The following SP100 variants were observed in gnomAD, a reference collection of about 807,000 sequenced individuals.
SP100 encodes the protein nuclear autoantigen Sp-100.
In SP100, 84 loss-of-function variants were observed where a neutral mutation model predicts 130.0. The ratio of observed to expected loss-of-function variants is 0.65; its 90% CI spans 0.54 to 0.77. SP100 has a LOEUF of 0.77. Ranked by LOEUF, SP100 falls within the 30% of genes least tolerant of loss-of-function variation. The pLI, the probability that SP100 is intolerant of heterozygous loss-of-function variation, is 0.00. For synonymous variants in SP100, 331 were observed against 351.7 expected (o/e 0.94, Z 0.66); for missense variants, 978 against 1,052.2 (o/e 0.93, Z 0.97).
chr2:230,503,174 T>A, intron 20 of SP100, 64 bp downstream of exon 20: 1 of 1,217,410 alleles, frequency 8.2e-7, no homozygotes. Context: ...TTCTGTACTG[T>A]GAGTAACAAG....
intron 2 of SP100, among the ~76,000 whole-genome samples, chr2:230,425,801 A>ATTT (rs35350531): frequency 6.8e-6 from 1 of 148,070 alleles, no homozygotes; most frequent in African/African-American, 2.5e-5. Context: ...CTTGCTCTTA[A>ATTT]TTTTTTTTTT....
At chr2:230,456,384 G>A (rs559241648) in intron 8 of SP100, among the ~76,000 whole-genome samples, 8 of 152,180 alleles carry the variant, frequency 5.3e-5, no homozygotes, top group African/African-American at 1.4e-4. Flanking sequence ...AGTATGTTTT[G>A]GTGTAGTCGT....
intron 1 of SP100, 56 bp downstream of exon 1, chr2:230,416,384 A>G (rs777381874): frequency 2.7e-6 from 4 of 1,484,552 alleles, no homozygotes; most frequent in Non-Finnish European, 3.8e-6. Context: ...TGCAGCTTTC[A>G]TGCCTTTAGT....
chr2:230,506,842 A>G (rs1311525351), intron 22 of SP100: 2 of 154,160 alleles, frequency 1.3e-5, no homozygotes, highest in African/African-American at 4.8e-5. Context: ...ACATATATAT[A>G]TGTAGTTCCT....
At chr2:230,527,736 A>C (rs1384547806) in intron 24 of SP100, among the ~76,000 whole-genome samples, 1 of 152,222 alleles carries the variant, frequency 6.6e-6, no homozygotes. Flanking sequence ...AAGATCTACG[A>C]AGCAAATGGA....
chr2:230,477,192 T>G (rs1204607015), intron 17 of SP100, among the ~76,000 whole-genome samples: 1 of 152,128 alleles, frequency 6.6e-6, no homozygotes, highest in African/African-American at 2.4e-5. Flanking sequence ...CATGGTGTTT[T>G]TCTTATTATT....
chr2:230,440,187 A>G (rs115825891), intron 2 of SP100, among the ~76,000 whole-genome samples: 1,677 of 152,220 alleles, frequency 0.011, 25 homozygotes, highest in African/African-American at 0.039. Flanking sequence ...ACCAAAAAAT[A>G]GAAATAATTG....
rs768617156 is a variant in SP100 at position 230,469,082 on chromosome 2, C to G, written c.1331C>G (p.Pro444Arg). The change falls in exon 14 of 29, where the codon CCC becomes CGC. Residue 444 changes from proline (P) to arginine (R), a missense_variant. Transcript: ENST00000340126. Reference sequence around the variant, plus strand: ...AGAAGTACATCTACTTGGAGAATACCCAGCAGGAAGAGACGTAAGAGCAAT... The same window carrying G: ...AGAAGTACATCTACTTGGAGAATACGCAGCAGGAAGAGACGTAAGAGCAAT... The part of the protein sequence containing the change: ...TSRSTSTWRI[P>R]SRKRRFSSSD... 10 of 1,597,838 alleles carry G rather than the reference C, an allele frequency of 6.3e-6. No individual in the cohort carries two copies. The highest frequency in any genetic ancestry group is 1.7e-4 in the Middle Eastern group (1 of 6,002).
chr2:230,458,394 A>T (rs2064397389), intron 8 of SP100, among the ~76,000 whole-genome samples: 1 of 152,192 alleles, frequency 6.6e-6, no homozygotes, highest in Non-Finnish European at 1.5e-5. Flanking sequence ...TTTGAGAAGG[A>T]GGAAGGAGAG....
At position 230,511,609 on chromosome 2, in the gene SP100, C is replaced by A. The variant is rs142804403; in HGVS notation, c.2094+443C>A. Among the ~76,000 whole-genome samples the A allele has an allele frequency of 6.2e-3, 950 of 152,130 alleles. 4 individuals are homozygous for A. Among genetic ancestry groups the A allele is most frequent in the Non-Finnish European group, 0.01 (704 of 68,014 alleles). On this transcript the variant is annotated intron_variant, in intron 24 of 28. Coordinates refer to ENST00000340126, the MANE Select transcript of SP100 (RefSeq NM_001080391.2). ...AGTCAGCCAGAAGGAACAGACCGAGCCGAGCTGGTGAGTTCGAGGTATGGA... is the reference window on the plus strand; with the variant it reads ...AGTCAGCCAGAAGGAACAGACCGAGACGAGCTGGTGAGTTCGAGGTATGGA...
At chr2:230,519,245 G>T (rs1691058165) in intron 24 of SP100, among the ~76,000 whole-genome samples, 1 of 152,104 alleles carries the variant, frequency 6.6e-6, no homozygotes, top group African/African-American at 2.4e-5. Flanking sequence ...AGTTTAATTG[G>T]GTTTACTTCC....
intron 20 of SP100, among the ~76,000 whole-genome samples, chr2:230,503,954 T>G (rs1433596382): frequency 6.6e-6 from 1 of 152,030 alleles, no homozygotes; most frequent in African/African-American, 2.4e-5. Context: ...AAAGTTGAGA[T>G]CCTACCACAT....
chr2:230,501,265 G>T (rs778041646), intron 19 of SP100, among the ~76,000 whole-genome samples: 5 of 151,944 alleles, frequency 3.3e-5, no homozygotes, highest in Non-Finnish European at 7.4e-5. Flanking sequence ...AAAATAAAGG[G>T]GGTTGGGGGG....
chr2:230,524,179 C>CAAAAAAAAA (rs71420292), intron 24 of SP100, among the ~76,000 whole-genome samples: 1,516 of 73,620 alleles, frequency 0.021, no homozygotes, highest in East Asian at 0.025. Context: ...ACTAAAAATA[C>CAAAAAAAAA]AAAAAAAAAA....
chr2:230,504,068 TG>T (rs766738474), intron 20 of SP100, 117 bp from the exon 21 acceptor site: 5 of 595,048 alleles, frequency 8.4e-6, no homozygotes, highest in Admixed American at 3.0e-5. Context: ...AACTGATTCA[TG>T]GGGGAAATAC....
chr2:230,502,940 C>G, intron 19 of SP100, 126 bp from the exon 20 acceptor site: 5 of 693,654 alleles, frequency 7.2e-6, no homozygotes, highest in Non-Finnish European at 1.2e-5. Flanking sequence ...AAAAAGTTCC[C>G]GACTCCTGAT....
intron 17 of SP100, among the ~76,000 whole-genome samples, chr2:230,491,862 T>C (rs921338199): frequency 6.6e-6 from 1 of 152,234 alleles, no homozygotes; most frequent in Non-Finnish European, 1.5e-5. Context: ...CAATGGCATA[T>C]AAGCAGAAGA....
At chr2:230,512,756 T>C (rs1344635458) in intron 24 of SP100, among the ~76,000 whole-genome samples, 1 of 152,172 alleles carries the variant, frequency 6.6e-6, no homozygotes, top group Admixed American at 6.5e-5. Context: ...TATTATTACA[T>C]TGTAATAGAT....
intron 16 of SP100, 114 bp downstream of exon 16, chr2:230,473,554 C>T (rs1014350086): frequency 6.7e-6 from 4 of 601,346 alleles, no homozygotes; most frequent in Non-Finnish European, 1.2e-5. Context: ...GCCTCTGGAT[C>T]ACCAACAGGA....
Sources: gnomAD v4.1 joint callset for allele counts (sites outside exome capture counted in the v4.1 genomes callset) on GRCh38, gnomAD v4.1.1 for gene constraint, MANE v1.5 for transcripts, NCBI Gene and HGNC (gene_info 2026-07-23, HGNC 2026-07-21) for gene names.